WDTC1: variants seen among roughly 807,000 people sequenced by gnomAD.
WDTC1 encodes WD and tetratricopeptide repeats 1.
A neutral mutation model predicts 76.0 loss-of-function variants in WDTC1; 12 were observed. The ratio of observed to expected loss-of-function variants is 0.16; its 90% CI spans 0.10 to 0.26. The LOEUF (loss-of-function observed/expected upper bound fraction) is 0.26. Ranked by LOEUF, WDTC1 falls within the 10% of genes least tolerant of loss-of-function variation. The pLI is 1.00. For missense variants in WDTC1, 511 were observed against 908.8 expected (o/e 0.56, Z 5.63); for synonymous variants, 326 against 350.8 (o/e 0.93, Z 0.79).
rs1302304137 is a variant in WDTC1 at position 27,287,657 on chromosome 1, C to G, written c.292-17C>G. On this transcript the variant is annotated splice_polypyrimidine_tract_variant and intron_variant, in intron 5 of 15. Coordinates refer to ENST00000319394, the MANE Select transcript of WDTC1 (RefSeq NM_001276252.2). ...CTACTCTTACCACCCACCCCTTCCT[C>G]CATTTCTCCTATATAGTTCCTGCCT... 1.2e-5 allele frequency: 19 copies of G among 1,608,646 alleles called. No individual in the cohort carries two copies. The highest frequency in any genetic ancestry group is 1.6e-5 in the Non-Finnish European group (19 of 1,177,112).
chr1:27,245,670 G>GACGATTCTCCTGCCTCAGCTTCCC (rs1234789066), intron 1 of WDTC1, among the ~76,000 whole-genome samples: 1 of 151,078 alleles, frequency 6.6e-6, no homozygotes, highest in Non-Finnish European at 1.5e-5. Context: ...CCCGGGTTCA[G>GACGATTCTCCTGCCTCAGCTTCCC]ACGATTCTCC....
chr1:27,234,647 C>G lies in WDTC1; in HGVS notation c.-404C>G, dbSNP rs2011448666. The G allele has an allele frequency of 5.1e-6, 2 of 395,466 alleles. No homozygotes were observed. The highest frequency in any genetic ancestry group is 2.1e-5 in the African/African-American group (1 of 48,454). 24.5% of individuals were successfully genotyped at this position (395,466 alleles called of 1,614,324 possible). On this transcript the variant is annotated 5_prime_UTR_variant, in exon 1 of 16. Transcript: ENST00000319394. The stretch of plus-strand genomic sequence containing the variant: ...GCGCGTTGCTGGGCTTCTCCTGGGT[C>G]CCCAGACAGCTGGAGGAGATAAACA...
Position 27,259,921 on chromosome 1 carries a change from C to T in WDTC1, c.-99-1035C>T, listed in dbSNP as rs528392981. ...GAGAGGTGGTGTGCACCTGTGATCT[C>T]AGTTATTCAGGAGGCTGAGATGGGA... On this transcript the variant is annotated intron_variant, in intron 1 of 15. Transcript: ENST00000319394. 4.6e-5 allele frequency among the ~76,000 whole-genome samples: 7 copies of T among 151,502 alleles called. No individual in the cohort carries two copies. In the South Asian group the frequency reaches 1.3e-3, roughly 27 times the overall value.
intron 12 of WDTC1, among the ~76,000 whole-genome samples, chr1:27,299,001 G>C (rs940637875): frequency 3.9e-5 from 6 of 152,202 alleles, no homozygotes; most frequent in Admixed American, 6.5e-5. Flanking sequence ...GGCATCAGGA[G>C]TTGGCCAAGG....
Position 27,303,983 on chromosome 1 carries a change from C to T in WDTC1, c.1643+188C>T. On this transcript the variant is annotated intron_variant, in intron 14 of 15. Transcript: ENST00000319394. This position sits in a 1 kb window ranked among gnomAD's most constrained non-coding sequence, Gnocchi z 4.8. ...CTATGAAATGACCAACCTGCCATGCCCATTTATGAGGCCATAACAAGGACT... is the reference window on the plus strand; with the variant it reads ...CTATGAAATGACCAACCTGCCATGCTCATTTATGAGGCCATAACAAGGACT... 1.4e-6 allele frequency: 1 copy of T among 697,012 alleles called. No individual in the cohort carries two copies. The highest frequency in any genetic ancestry group is 2.1e-5 in the South Asian group (1 of 47,682). 43.2% of individuals were successfully genotyped at this position (697,012 alleles called of 1,614,324 possible).
At chr1:27,260,510 G>C (rs1256120343) in intron 1 of WDTC1, among the ~76,000 whole-genome samples, 1 of 152,126 alleles carries the variant, frequency 6.6e-6, no homozygotes, top group Non-Finnish European at 1.5e-5. Flanking sequence ...CTGGAGACTT[G>C]AGAGTTCTGT....
chr1:27,242,506 G>A (rs1190994778), intron 1 of WDTC1, among the ~76,000 whole-genome samples: 1 of 151,606 alleles, frequency 6.6e-6, no homozygotes, highest in Non-Finnish European at 1.5e-5. Context: ...TTTCGCTCCT[G>A]TCGCCCAGGC....
At chr1:27,254,756 C>T (rs1437409824) in intron 1 of WDTC1, among the ~76,000 whole-genome samples, 2 of 152,100 alleles carry the variant, frequency 1.3e-5, no homozygotes, top group Non-Finnish European at 2.9e-5. Context: ...CCTCAGCCTC[C>T]CCAGTAGCTG....
Position 27,305,112 on chromosome 1 carries a change from C to T in WDTC1, c.1755C>T (p.Cys585=), listed in dbSNP as rs1557512095. ...AAGGGGATGAGTCCATTGTCAACTG[C>T]CTGCAGCCACACCCCAGCTACTGCT... The part of the protein sequence containing the change: ...VLQGDESIVN[C]LQPHPSYCFL... The change falls in exon 15 of 16, where the codon TGC becomes TGT. Residue 585 remains cysteine (C), a synonymous_variant. Transcript: ENST00000319394. The surrounding 1 kb of genome is among the most constrained non-coding windows in gnomAD (Gnocchi z 4.6). 6.2e-7 allele frequency: 1 copy of T among 1,614,072 alleles called. No individual in the cohort carries two copies. The highest frequency in any genetic ancestry group is 1.3e-5 in the African/African-American group (1 of 75,020).
intron 6 of WDTC1, among the ~76,000 whole-genome samples, chr1:27,291,370 A>C (rs1297828811): frequency 6.6e-6 from 1 of 152,254 alleles, no homozygotes; most frequent in Non-Finnish European, 1.5e-5. Context: ...GAATCTCTGC[A>C]ATTTTTTTGA....
chr1:27,248,434 G>T (rs1371138287), intron 1 of WDTC1, among the ~76,000 whole-genome samples: 6 of 152,004 alleles, frequency 3.9e-5, no homozygotes, highest in African/African-American at 1.4e-4. Context: ...TATGCTTGTT[G>T]GCCACATGTA....
At chr1:27,262,535 C>T (rs182489874) in intron 2 of WDTC1, among the ~76,000 whole-genome samples, 1 of 151,944 alleles carries the variant, frequency 6.6e-6, no homozygotes, top group East Asian at 1.9e-4. Context: ...ATTACAGGCA[C>T]GTGCCACCAT....
At chr1:27,250,220 T>G (rs1035373642) in intron 1 of WDTC1, among the ~76,000 whole-genome samples, 3 of 152,180 alleles carry the variant, frequency 2.0e-5, no homozygotes, top group Non-Finnish European at 4.4e-5. Context: ...AGAGTCTCTC[T>G]GTATCCTCTA....
At chr1:27,270,872 C>G (rs1339925030) in intron 3 of WDTC1, among the ~76,000 whole-genome samples, 1 of 152,184 alleles carries the variant, frequency 6.6e-6, no homozygotes, top group African/African-American at 2.4e-5. Flanking sequence ...CATAACTCAT[C>G]AGTAGACTGT....
chr1:27,234,906 G>A lies in WDTC1; in HGVS notation c.-145G>A, dbSNP rs2011460781. 2.5e-6 allele frequency: 1 copy of A among 395,878 alleles called. No homozygotes were observed. Among genetic ancestry groups the A allele is most frequent in the Non-Finnish European group, 4.5e-6 (1 of 224,262 alleles). 24.5% of individuals were successfully genotyped at this position (395,878 alleles called of 1,614,324 possible). On this transcript the variant is annotated 5_prime_UTR_variant, in exon 1 of 16. Transcript: ENST00000319394. ...GGCCGCCCCCCCCGGACGGACATGG[G>A]CTCCTGAAGTTGCGCCGCTGCCGGT...
rs534716413 is a variant in WDTC1, at chr1:27,274,136, C to A, written c.133-8103C>A. Reference sequence around the variant, plus strand: ...AGGACCTCATCTCTACAAAAAAATACAAAAATTAACCAGGTGTGGTGGTGT... The same window carrying A: ...AGGACCTCATCTCTACAAAAAAATAAAAAAATTAACCAGGTGTGGTGGTGT... On this transcript the variant is annotated intron_variant, in intron 3 of 15. Coordinates refer to ENST00000319394, the MANE Select transcript of WDTC1 (RefSeq NM_001276252.2). The surrounding 1 kb of genome is among the most constrained non-coding windows in gnomAD (Gnocchi z 4.2). Among the ~76,000 whole-genome samples, 10 of 148,982 alleles carry A rather than the reference C, an allele frequency of 6.7e-5. No individual in the cohort carries two copies. In the South Asian group the frequency reaches 2.1e-3, roughly 32 times the overall value.
intron 3 of WDTC1, among the ~76,000 whole-genome samples, chr1:27,277,721 G>A (rs760926903): frequency 6.6e-6 from 1 of 152,144 alleles, no homozygotes; most frequent in Non-Finnish European, 1.5e-5. Context: ...TTTGATTGCT[G>A]TAGCATTGTA....
chr1:27,269,076 A>G (rs1311750278), intron 3 of WDTC1, among the ~76,000 whole-genome samples: 3 of 148,660 alleles, frequency 2.0e-5, no homozygotes, highest in Non-Finnish European at 4.5e-5. Context: ...TGTAAATCCC[A>G]ACACTTTGGG....
At chr1:27,287,380 T>A (rs2013369839) in intron 5 of WDTC1, among the ~76,000 whole-genome samples, 1 of 152,020 alleles carries the variant, frequency 6.6e-6, no homozygotes, top group South Asian at 2.1e-4. Flanking sequence ...TTGTTGTTGT[T>A]GTTGTTTTTG....
Sources: allele counts gnomAD v4.1 joint callset (sites outside exome capture counted in the v4.1 genomes callset), GRCh38; gene constraint gnomAD v4.1.1; non-coding constraint Gnocchi (gnomAD v3.1); transcripts MANE v1.5; gene names NCBI Gene and HGNC (gene_info 2026-07-23, HGNC 2026-07-21).